Variants in YME1L1 observed in about 807,000 individuals in gnomAD.
YME1L1 encodes the protein ATP-dependent zinc metalloprotease YME1L1.
A neutral mutation model predicts 90.4 loss-of-function variants in YME1L1; 39 were observed. That is an observed-to-expected ratio of 0.43 (90% CI 0.33 to 0.56). The LOEUF is 0.56. Among genes scored for constraint, YME1L1 ranks in the 20% least tolerant of loss-of-function variants. YME1L1 has a pLI of 0.03. For synonymous variants in YME1L1, 284 were observed against 287.3 expected (o/e 0.99, Z 0.12); for missense variants, 617 against 868.4 (o/e 0.71, Z 3.64).
intron 7 of YME1L1, among the ~76,000 whole-genome samples, chr10:27,133,045 A>T (rs534481875): frequency 1.3e-5 from 2 of 152,246 alleles, no homozygotes; most frequent in East Asian, 3.9e-4. Flanking sequence ...TTTAACAAAC[A>T]CTTCAATTAT....
At chr10:27,125,472 A>C (rs1588591924) in intron 9 of YME1L1, among the ~76,000 whole-genome samples, 1 of 148,090 alleles carries the variant, frequency 6.8e-6, no homozygotes, top group South Asian at 2.2e-4. Context: ...AAAAAAAAAA[A>C]AAAAACAATA....
At chr10:27,136,231 A>G in intron 5 of YME1L1, 45 bp downstream of exon 5, 1 of 1,512,018 alleles carries the variant, frequency 6.6e-7, no homozygotes, top group South Asian at 1.1e-5. Flanking sequence ...TCACTCTAAC[A>G]ACTTGAAAAT....
intron 12 of YME1L1, among the ~76,000 whole-genome samples, chr10:27,120,935 G>A (rs1228812044): frequency 2.0e-5 from 3 of 152,220 alleles, no homozygotes; most frequent in South Asian, 2.1e-4. Flanking sequence ...ATGAAAATAC[G>A]AATAACTTCT....
intron 1 of YME1L1, among the ~76,000 whole-genome samples, chr10:27,149,376 G>T (rs965185145): frequency 1.3e-5 from 2 of 152,130 alleles, no homozygotes; most frequent in Non-Finnish European, 2.9e-5. Flanking sequence ...AAAAATAGTA[G>T]AAAGCTGGAA....
intron 1 of YME1L1, among the ~76,000 whole-genome samples, chr10:27,150,227 T>C (rs1446247913): frequency 5.9e-5 from 9 of 152,170 alleles, no homozygotes; most frequent in Admixed American, 5.2e-4. Flanking sequence ...TAATAAATAT[T>C]TGTTGAGTAA....
chr10:27,149,669 C>T (rs935857036), intron 1 of YME1L1, among the ~76,000 whole-genome samples: 2 of 138,922 alleles, frequency 1.4e-5, no homozygotes, highest in South Asian at 2.3e-4. Context: ...TGTGATCATG[C>T]CACTGCACTC....
chr10:27,148,837 T>G (rs1219884786), intron 2 of YME1L1, 69 bp downstream of exon 2: 1 of 1,578,152 alleles, frequency 6.3e-7, no homozygotes, highest in Non-Finnish European at 8.6e-7. Flanking sequence ...ATATCCTTAA[T>G]CCTTCATTTG....
rs201546593 is a variant in YME1L1 at position 27,147,489 on chromosome 10, G to A, written c.168+1417C>T. 37 of 1,613,898 alleles carry A rather than the reference G, an allele frequency of 2.3e-5. 1 individual carries two copies. The highest frequency in any genetic ancestry group is 6.6e-5 in the South Asian group (6 of 91,080). ...AGACAATAGGCATTTGGAGAAACCCGCAGTGTACAGGGATTGAGAGGGAGA... is the reference window on the plus strand; with the variant it reads ...AGACAATAGGCATTTGGAGAAACCCACAGTGTACAGGGATTGAGAGGGAGA... On this transcript the variant is annotated intron_variant, in intron 2 of 18. Coordinates refer to ENST00000376016, the MANE Select transcript of YME1L1 (RefSeq NM_014263.4).
chr10:27,138,913 C>T (rs901942462), intron 4 of YME1L1, among the ~76,000 whole-genome samples: 2 of 151,952 alleles, frequency 1.3e-5, no homozygotes, highest in Non-Finnish European at 2.9e-5. Context: ...CCATTTCTAA[C>T]TTTCTAAGAG....
chr10:27,147,348 TAAAA>T, intron 2 of YME1L1: 1 of 1,427,546 alleles, frequency 7.0e-7, no homozygotes, highest in South Asian at 1.2e-5. Context: ...TTAAAAATGA[TAAAA>T]CAAACAAACA....
At chr10:27,124,686 T>G (rs2135857073) in intron 9 of YME1L1, among the ~76,000 whole-genome samples, 1 of 152,288 alleles carries the variant, frequency 6.6e-6, no homozygotes, top group East Asian at 1.9e-4. Flanking sequence ...ACTCAAATTT[T>G]CTACAAATTT....
At chr10:27,124,867 T>A (rs1464855197) in intron 9 of YME1L1, among the ~76,000 whole-genome samples, 2 of 152,340 alleles carry the variant, frequency 1.3e-5, no homozygotes, top group African/African-American at 2.4e-5. Flanking sequence ...TGCTCTTTTT[T>A]AATTCCTTTT....
chr10:27,117,816 C>T lies in YME1L1; in HGVS notation c.1568-89G>A, dbSNP rs565810874. On this transcript the variant is annotated intron_variant, in intron 14 of 18. Transcript: ENST00000376016. ...TTCTTGTCTGCAAATCAAATACACT[C>T]CACCCTTCCTATCAGCAGATTCTGC... 17 of 1,342,136 alleles carry T rather than the reference C, an allele frequency of 1.3e-5. No individual in the cohort carries two copies. The South Asian group carries it at 2.1e-4, about 17-fold the overall frequency. The allele number at this position is 1,342,136 out of a possible 1,614,324, so 83.1% of individuals were successfully genotyped here.
At chr10:27,133,291 T>C (rs1026260800) in intron 7 of YME1L1, among the ~76,000 whole-genome samples, 1 of 152,182 alleles carries the variant, frequency 6.6e-6, no homozygotes, top group African/African-American at 2.4e-5. Flanking sequence ...GAGATCAATT[T>C]TGGAGAACTA....
chr10:27,122,039 G>C (rs1160404682), intron 11 of YME1L1, among the ~76,000 whole-genome samples: 1 of 151,972 alleles, frequency 6.6e-6, no homozygotes, highest in Admixed American at 6.6e-5. Context: ...CCCGGTGACT[G>C]TTTTTATTTT....
intron 4 of YME1L1, among the ~76,000 whole-genome samples, chr10:27,137,657 G>A (rs1041254184): frequency 6.6e-6 from 1 of 152,122 alleles, no homozygotes; most frequent in African/African-American, 2.4e-5. Flanking sequence ...AAAAATAACA[G>A]TACCTTGTTT....
intron 3 of YME1L1, among the ~76,000 whole-genome samples, chr10:27,145,201 G>A (rs1005871254): frequency 2.0e-5 from 3 of 151,158 alleles, no homozygotes; most frequent in Admixed American, 1.3e-4. Flanking sequence ...ACATGATTAT[G>A]TAAGATGCCA....
rs539088641 is a variant in YME1L1, at chr10:27,131,240, A to G, written c.858+619T>C. On this transcript the variant is annotated intron_variant, in intron 8 of 18. Coordinates refer to ENST00000376016, the MANE Select transcript of YME1L1 (RefSeq NM_014263.4). Reference sequence around the variant, plus strand: ...CTCCATACACTTTTATTCTTTTAACATACTCTACTTTTTCTTACATCACAT... The same window carrying G: ...CTCCATACACTTTTATTCTTTTAACGTACTCTACTTTTTCTTACATCACAT... 2.6e-5 allele frequency among the ~76,000 whole-genome samples: 4 copies of G among 152,280 alleles called. No individual in the cohort carries two copies. In the South Asian group the frequency reaches 6.2e-4, roughly 24 times the overall value.
chr10:27,154,065 G>A (rs985224599), intron 1 of YME1L1, 113 bp downstream of exon 1: 6 of 1,364,482 alleles, frequency 4.4e-6, no homozygotes, highest in African/African-American at 4.3e-5. Flanking sequence ...TTCGCATTGA[G>A]TACATCACTT....
Sources: gnomAD v4.1 joint callset for allele counts (sites outside exome capture counted in the v4.1 genomes callset) on GRCh38, gnomAD v4.1.1 for gene constraint, MANE v1.5 for transcripts, NCBI Gene and HGNC (gene_info 2026-07-23, HGNC 2026-07-21) for gene names.